The following TMEM11 variants were observed in gnomAD, a reference collection of about 807,000 sequenced individuals.
The protein encoded by TMEM11 is transmembrane protein 11, mitochondrial.
A neutral mutation model predicts 17.0 loss-of-function variants in TMEM11; 1 was observed. That is an observed-to-expected ratio of 0.06 (90% CI 0.02 to 0.28). The LOEUF (loss-of-function observed/expected upper bound fraction) is 0.28, where lower values mean the gene tolerates loss of function less well. Among genes scored for constraint, TMEM11 ranks in the 10% least tolerant of loss-of-function variants. The pLI, the probability that TMEM11 is intolerant of heterozygous loss-of-function variation, is 1.00. For synonymous variants in TMEM11, 122 were observed against 118.1 expected (o/e 1.03, Z -0.21); for missense variants, 172 against 252.9 (o/e 0.68, Z 2.17).
At position 21,214,093 on chromosome 17, in the gene TMEM11, C is replaced by G; in HGVS notation, c.60G>C (p.Glu20Asp). ...GPGSSGGSARERVSLSATDCY... is the reference protein window; with the variant it reads ...GPGSSGGSARDRVSLSATDCY... Reference sequence around the variant, plus strand: ...GGCAACAAGCCCTTGGATCTCACCTCTCTCGGGCGCTGCCGCCACTGCTGC... The same window carrying G: ...GGCAACAAGCCCTTGGATCTCACCTGTCTCGGGCGCTGCCGCCACTGCTGC... The change falls in exon 1 of 2, where the codon GAG becomes GAC. Residue 20 changes from glutamate to aspartate, a missense_variant and splice_region_variant. Coordinates refer to ENST00000317635, the MANE Select transcript of TMEM11 (RefSeq NM_003876.3). 6.2e-7 allele frequency: 1 copy of G among 1,610,242 alleles called. No individual in the cohort carries two copies. The highest frequency in any genetic ancestry group is 8.5e-7 in the Non-Finnish European group (1 of 1,179,252).
chr17:21,200,114 A>G (rs1371226961), intron 1 of TMEM11, among the ~76,000 whole-genome samples: 4 of 152,226 alleles, frequency 2.6e-5, no homozygotes, highest in Non-Finnish European at 5.9e-5. Context: ...CGGAACGCTC[A>G]GCTCTGCAGC....
intron 1 of TMEM11, among the ~76,000 whole-genome samples, chr17:21,202,403 T>A (rs67500615): frequency 0.06 from 9,146 of 152,158 alleles, 399 homozygotes; most frequent in Middle Eastern, 0.14. Flanking sequence ...AACACCCAAA[T>A]CCACCCTAGT....
intron 1 of TMEM11, among the ~76,000 whole-genome samples, chr17:21,204,716 C>T (rs1032025362): frequency 2.0e-5 from 3 of 152,036 alleles, no homozygotes; most frequent in Non-Finnish European, 4.4e-5. Flanking sequence ...ACTTTTGATC[C>T]TTTTGAATCT....
At chr17:21,200,108 A>G (rs1447422773) in intron 1 of TMEM11, among the ~76,000 whole-genome samples, 2 of 152,212 alleles carry the variant, frequency 1.3e-5, no homozygotes, top group East Asian at 3.9e-4. Context: ...ACCACACGGA[A>G]CGCTCAGCTC....
intron 1 of TMEM11, chr17:21,210,909 A>G: frequency 8.0e-7 from 1 of 1,254,626 alleles, no homozygotes. Flanking sequence ...TAAAAACAGG[A>G]ACTCAAGAGC....
At chr17:21,210,753 GC>G (rs1014246522) in intron 1 of TMEM11, among the ~76,000 whole-genome samples, 1 of 152,234 alleles carries the variant, frequency 6.6e-6, no homozygotes, top group African/African-American at 2.4e-5. Context: ...GGAGCAGATG[GC>G]CGCGCAAGCC....
At chr17:21,209,569 A>C (rs1442200319) in intron 1 of TMEM11, among the ~76,000 whole-genome samples, 1 of 152,186 alleles carries the variant, frequency 6.6e-6, no homozygotes, top group Non-Finnish European at 1.5e-5. Flanking sequence ...AAATTTTAAG[A>C]CCAGCCTAGA....
chr17:21,200,258 G>A (rs1974868978), intron 1 of TMEM11, among the ~76,000 whole-genome samples: 1 of 152,250 alleles, frequency 6.6e-6, no homozygotes, highest in Non-Finnish European at 1.5e-5. Flanking sequence ...TTCTTCACCT[G>A]TGGCGGGCAG....
chr17:21,200,986 G>A (rs1293630535), intron 1 of TMEM11, among the ~76,000 whole-genome samples: 1 of 152,222 alleles, frequency 6.6e-6, no homozygotes, highest in Non-Finnish European at 1.5e-5. Flanking sequence ...AGTGAAGGAT[G>A]GTGGAAATCG....
intron 1 of TMEM11, among the ~76,000 whole-genome samples, chr17:21,208,876 A>G (rs1474078607): frequency 2.6e-5 from 4 of 152,252 alleles, no homozygotes; most frequent in African/African-American, 9.6e-5. Context: ...AATTATGGTT[A>G]TTAAGAGAAC....
chr17:21,203,243 G>C (rs761720336), intron 1 of TMEM11, among the ~76,000 whole-genome samples: 19 of 152,220 alleles, frequency 1.2e-4, no homozygotes, highest in Non-Finnish European at 2.6e-4. Context: ...CAAAGCCGCA[G>C]GATCCCTCCG....
intron 1 of TMEM11, among the ~76,000 whole-genome samples, chr17:21,203,675 C>T (rs1974907970): frequency 1.4e-5 from 2 of 145,606 alleles, no homozygotes; most frequent in Non-Finnish European, 3.0e-5. Context: ...CCACTGCACT[C>T]CAGCCTGAAT....
At chr17:21,206,646 C>T (rs1054273216) in intron 1 of TMEM11, among the ~76,000 whole-genome samples, 1 of 152,138 alleles carries the variant, frequency 6.6e-6, no homozygotes, top group Admixed American at 6.6e-5. Context: ...AAGCAATTCT[C>T]TTGCCTCAGC....
At chr17:21,210,341 C>T (rs1425201487) in intron 1 of TMEM11, among the ~76,000 whole-genome samples, 2 of 152,180 alleles carry the variant, frequency 1.3e-5, no homozygotes, top group African/African-American at 4.8e-5. Flanking sequence ...TGTGGCTTTG[C>T]CTTTGTTAAA....
rs1205895029 is a variant in TMEM11, at chr17:21,199,164, C to CA, written c.63-325dup. ...TGAAACCCTGTCTCTACTAAAGATA[C>CA]AAAAAAAAATTAGCCAGGTGTGGTG... On this transcript the variant is annotated intron_variant, in intron 1 of 1. Coordinates refer to ENST00000317635, the MANE Select transcript of TMEM11 (RefSeq NM_003876.3). 1.2e-3 allele frequency among the ~76,000 whole-genome samples: 176 copies of CA among 149,636 alleles called. 1 individual carries two copies. Among genetic ancestry groups the CA allele is most frequent in the African/African-American group, 3.1e-3 (128 of 40,806 alleles).
chr17:21,198,919 A>AGCGCTGGGGGAGGTCTGAGCCT lies in TMEM11; in HGVS notation c.63-101_63-80dup, dbSNP rs1166557013. The AGCGCTGGGGGAGGTCTGAGCCT allele has an allele frequency of 9.0e-5, 135 of 1,508,042 alleles. No individual in the cohort carries two copies. The highest frequency in any genetic ancestry group is 6.4e-4 in the Admixed American group (33 of 51,306). 93.4% of individuals were successfully genotyped at this position (1,508,042 alleles called of 1,614,324 possible). A position where few individuals can be genotyped will look rare whatever the true frequency, so the allele number is the denominator to read the frequency against. On this transcript the variant is annotated intron_variant, in intron 1 of 1. Coordinates refer to ENST00000317635, the MANE Select transcript of TMEM11 (RefSeq NM_003876.3). The surrounding 1 kb of genome is among the most constrained non-coding windows in gnomAD (Gnocchi z 6.5). Reference sequence around the variant, plus strand: ...GCTGAGGAGCACTTAACTGTGTTTCAGCGCTGGGGGAGGTCTGAGCCTGCA... The same window carrying AGCGCTGGGGGAGGTCTGAGCCT: ...GCTGAGGAGCACTTAACTGTGTTTCAGCGCTGGGGGAGGTCTGAGCCTGCGCTGGGGGAGGTCTGAGCCTGCA...
Position 21,198,885 on chromosome 17 carries a change from G to C in TMEM11, c.63-45C>G, listed in dbSNP as rs1015283278. 2 of 1,566,818 alleles carry C rather than the reference G, an allele frequency of 1.3e-6. No individual in the cohort carries two copies. The highest frequency in any genetic ancestry group is 3.5e-5 in the Admixed American group (2 of 57,040). The stretch of plus-strand genomic sequence containing the variant: ...GAAAGGGAGAGAGAGAGAGAGACAG[G>C]ATGATTAGGCTGAGGAGCACTTAAC... On this transcript the variant is annotated intron_variant, in intron 1 of 1. Coordinates refer to ENST00000317635, the MANE Select transcript of TMEM11 (RefSeq NM_003876.3). The surrounding 1 kb of genome is among the most constrained non-coding windows in gnomAD (Gnocchi z 6.5).
intron 1 of TMEM11, among the ~76,000 whole-genome samples, chr17:21,206,892 AACT>A (rs1163946125): frequency 3.3e-5 from 5 of 152,132 alleles, no homozygotes; most frequent in Admixed American, 3.3e-4. Flanking sequence ...TTCACAGAGC[AACT>A]CCCCCATCGG....
intron 1 of TMEM11, chr17:21,211,321 C>A: frequency 1.1e-6 from 1 of 917,006 alleles, no homozygotes. Flanking sequence ...CAGCACTGTC[C>A]ATATCATAAC....
Sources: allele counts gnomAD v4.1 joint callset (sites outside exome capture counted in the v4.1 genomes callset), GRCh38; gene constraint gnomAD v4.1.1; non-coding constraint Gnocchi (gnomAD v3.1); transcripts MANE v1.5; gene names NCBI Gene and HGNC (gene_info 2026-07-23, HGNC 2026-07-21).